PTPRR: variants seen among roughly 807,000 people sequenced by gnomAD.
The protein encoded by PTPRR is protein tyrosine phosphatase receptor type R.
A neutral mutation model predicts 77.2 loss-of-function variants in PTPRR; 38 were observed. The observed-to-expected ratio is 0.49, with a 90% CI of 0.38 to 0.65. The LOEUF is 0.65. Ranked by LOEUF, PTPRR falls within the 30% of genes least tolerant of loss-of-function variation. The pLI, the probability that PTPRR is intolerant of heterozygous loss-of-function variation, is 0.00. For missense variants in PTPRR, 744 were observed against 799.2 expected, an observed-to-expected ratio of 0.93 and a Z score of 0.83; for synonymous variants, 299 against 283.1, an observed-to-expected ratio of 1.06 and a Z score of -0.57.
chr12:70,917,087 G>T (rs1893786353), intron 1 of PTPRR, among the ~76,000 whole-genome samples: 1 of 152,080 alleles, frequency 6.6e-6, no homozygotes, highest in African/African-American at 2.4e-5. Context: ...ATGCTTCTTT[G>T]GACAAAGGAA....
chr12:70,704,829 T>C (rs1888559261), intron 6 of PTPRR, among the ~76,000 whole-genome samples: 1 of 152,072 alleles, frequency 6.6e-6, no homozygotes, highest in Non-Finnish European at 1.5e-5. Context: ...AAAAAAGGAA[T>C]GTGGAAAGCA....
At chr12:70,734,482 G>T (rs1592716845) in intron 6 of PTPRR, among the ~76,000 whole-genome samples, 1 of 152,178 alleles carries the variant, frequency 6.6e-6, no homozygotes, top group Non-Finnish European at 1.5e-5. Flanking sequence ...GGATGGGGTT[G>T]CAGGCTAATG....
At chr12:70,754,635 T>G (rs930992695) in intron 4 of PTPRR, 2 of 1,597,842 alleles carry the variant, frequency 1.3e-6, no homozygotes, top group Non-Finnish European at 1.7e-6. Flanking sequence ...AGGAAATTGT[T>G]TCTGATTTCC....
intron 1 of PTPRR, among the ~76,000 whole-genome samples, chr12:70,903,929 A>G (rs1033825086): frequency 6.6e-6 from 1 of 151,882 alleles, no homozygotes; most frequent in Non-Finnish European, 1.5e-5. Context: ...GACTTGAACA[A>G]ACACTTTATT....
At chr12:70,646,461 C>G (rs1256036546) in intron 13 of PTPRR, among the ~76,000 whole-genome samples, 1 of 152,080 alleles carries the variant, frequency 6.6e-6, no homozygotes, top group African/African-American at 2.4e-5. Context: ...ATTTTGAGTT[C>G]CATTTTTTTT....
rs141127416 is a variant in PTPRR at position 70,779,128 on chromosome 12, G to A, written c.358-14350C>T. Among the ~76,000 whole-genome samples the A allele has an allele frequency of 3.3e-5, 5 of 151,826 alleles. No individual in the cohort carries two copies. In the East Asian group the frequency reaches 5.8e-4, roughly 18 times the overall value. ...CTCCCAAAGTGCTGGGTTTACAGGC[G>A]TGAGCCACCCTGCCCAACCCTCCAT... On this transcript the variant is annotated intron_variant, in intron 2 of 13. Transcript: ENST00000283228.
intron 8 of PTPRR, among the ~76,000 whole-genome samples, chr12:70,692,961 G>A (rs1162327799): frequency 6.6e-6 from 1 of 152,036 alleles, no homozygotes; most frequent in East Asian, 1.9e-4. Context: ...GCTCACAGAG[G>A]GTTTAATGTC....
intron 10 of PTPRR, among the ~76,000 whole-genome samples, chr12:70,683,515 T>G (rs930417989): frequency 2.6e-5 from 4 of 152,162 alleles, no homozygotes; most frequent in African/African-American, 9.7e-5. Context: ...TCTCGTTTTC[T>G]TAATGAGGCT....
intron 2 of PTPRR, among the ~76,000 whole-genome samples, chr12:70,822,688 A>C (rs1169589088): frequency 6.6e-6 from 1 of 152,164 alleles, no homozygotes; most frequent in East Asian, 1.9e-4. Context: ...AAGGAAATTA[A>C]ATCACTCTAT....
intron 10 of PTPRR, among the ~76,000 whole-genome samples, chr12:70,669,710 G>A (rs1378194139): frequency 6.6e-6 from 1 of 151,848 alleles, no homozygotes; most frequent in Non-Finnish European, 1.5e-5. Flanking sequence ...GGCTACATTT[G>A]TACACCACCA....
chr12:70,694,086 T>C (rs556714102), intron 8 of PTPRR, among the ~76,000 whole-genome samples: 1 of 152,290 alleles, frequency 6.6e-6, no homozygotes, highest in South Asian at 2.1e-4. Context: ...ATGTTTTTGT[T>C]GGGGTAGGAA....
At chr12:70,856,977 T>A (rs550499198) in intron 2 of PTPRR, among the ~76,000 whole-genome samples, 1 of 152,202 alleles carries the variant, frequency 6.6e-6, no homozygotes, top group East Asian at 1.9e-4. Context: ...TATGTGTGAT[T>A]TGATTTTTAA....
intron 13 of PTPRR, chr12:70,639,580 G>T: frequency 1.0e-6 from 1 of 992,718 alleles, no homozygotes; most frequent in Non-Finnish European, 1.2e-6. Flanking sequence ...TTTGGCATCA[G>T]CCAAGGTGAG....
intron 1 of PTPRR, among the ~76,000 whole-genome samples, chr12:70,907,768 TC>T (rs1195875435): frequency 6.6e-6 from 1 of 152,076 alleles, no homozygotes; most frequent in Non-Finnish European, 1.5e-5. Context: ...CAATCAGATG[TC>T]CCCCAGTTTC....
intron 2 of PTPRR, among the ~76,000 whole-genome samples, chr12:70,817,788 G>A (rs762177717): frequency 2.0e-5 from 3 of 152,130 alleles, no homozygotes; most frequent in Non-Finnish European, 4.4e-5. Flanking sequence ...AGACCCACAA[G>A]CACATGCACA....
At chr12:70,900,106 A>G (rs1001731773) in intron 1 of PTPRR, among the ~76,000 whole-genome samples, 1 of 151,556 alleles carries the variant, frequency 6.6e-6, no homozygotes, top group African/African-American at 2.4e-5. Context: ...ATCATCTCCA[A>G]TTACAATAAA....
At chr12:70,880,251 T>G (rs1893126014) in intron 2 of PTPRR, among the ~76,000 whole-genome samples, 1 of 152,104 alleles carries the variant, frequency 6.6e-6, no homozygotes, top group Non-Finnish European at 1.5e-5. Context: ...GTATTATGAG[T>G]ATCACTTTTT....
intron 6 of PTPRR, among the ~76,000 whole-genome samples, chr12:70,735,553 C>T (rs568057587): frequency 1.4e-4 from 21 of 152,212 alleles, no homozygotes; most frequent in Admixed American, 9.2e-4. Context: ...ATGGGAGCTA[C>T]GGTTCAAGAT....
intron 6 of PTPRR, among the ~76,000 whole-genome samples, chr12:70,728,362 A>C (rs531784511): frequency 7.1e-5 from 10 of 140,852 alleles, no homozygotes; most frequent in African/African-American, 2.3e-4. Flanking sequence ...TGAAAAAAAA[A>C]CAAAAAATCC....
Sources: allele counts gnomAD v4.1 joint callset (sites outside exome capture counted in the v4.1 genomes callset), GRCh38; gene constraint gnomAD v4.1.1; transcripts MANE v1.5; gene names NCBI Gene and HGNC (gene_info 2026-07-23, HGNC 2026-07-21).